Variants in MED12L observed in about 807,000 individuals in gnomAD.
MED12L encodes mediator complex subunit 12L.
Under a neutral mutation model 281.3 loss-of-function variants are expected in MED12L, and 60 were observed. The ratio of observed to expected loss-of-function variants is 0.21; its 90% CI spans 0.17 to 0.26. MED12L has a LOEUF of 0.26. Among genes scored for constraint, MED12L ranks in the 10% least tolerant of loss-of-function variants. The pLI is 1.00. For missense variants in MED12L, 2,146 were observed against 2,680.9 expected (o/e 0.80, Z 4.41); for synonymous variants, 974 against 987.2 (o/e 0.99, Z 0.25).
intron 11 of MED12L, among the ~76,000 whole-genome samples, chr3:151,172,023 C>T (rs921068412): frequency 1.3e-5 from 2 of 152,130 alleles, no homozygotes; most frequent in African/African-American, 4.8e-5. Flanking sequence ...GGGGAAGCAC[C>T]CCTATAAGAT....
chr3:151,413,275 C>G lies in MED12L; in HGVS notation c.6277C>G (p.Gln2093Glu), dbSNP rs1717160634. 6.2e-7 allele frequency: 1 copy of G among 1,614,122 alleles called. No homozygotes were observed. The highest frequency in any genetic ancestry group is 8.5e-7 in the Non-Finnish European group (1 of 1,179,974). The change falls in exon 42 of 45, where the codon CAG (glutamine) becomes GAG (glutamate). Residue 2093 changes from glutamine to glutamate, a missense_variant. Physicochemically the swap from Gln to Glu is conservative, Grantham distance 29. Coordinates refer to ENST00000687756, the MANE Select transcript of MED12L (RefSeq NM_001393769.1). ...GAGACCCAGACAGCCGCAAGTTCGACAGCAGCAGAGACTCCTCCAGGTACG... is the reference window on the plus strand; with the variant it reads ...GAGACCCAGACAGCCGCAAGTTCGAGAGCAGCAGAGACTCCTCCAGGTACG... ...PMRPRQPQVR[Q>E]QQRLLQMQQP... is the part of the protein sequence containing the mutation.
intron 1 of MED12L, 127 bp from the exon 2 acceptor site, chr3:151,086,671 C>T (rs1719256813): frequency 5.7e-6 from 2 of 352,824 alleles, no homozygotes; most frequent in African/African-American, 4.3e-5. Flanking sequence ...CCTCCGCCGC[C>T]GCCACCGGAG....
intron 43 of MED12L, chr3:151,425,239 T>C (rs185717424): frequency 5.9e-6 from 1 of 170,010 alleles, no homozygotes; most frequent in African/African-American, 2.4e-5. Flanking sequence ...AGCTCAAGTT[T>C]TGAGACAAAA....
At chr3:151,383,657 T>A in intron 33 of MED12L, 122 bp from the exon 34 acceptor site, 1 of 625,046 alleles carries the variant, frequency 1.6e-6, no homozygotes, top group Admixed American at 3.3e-5. Flanking sequence ...TAAGGTAATC[T>A]ATAAACTAGA....
At chr3:151,240,354 T>A (rs1733832704) in intron 16 of MED12L, among the ~76,000 whole-genome samples, 1 of 152,222 alleles carries the variant, frequency 6.6e-6, no homozygotes. Context: ...GCTCAAGCAG[T>A]TTCCAGTGGG....
At chr3:151,237,550 C>T (rs1392052734) in intron 16 of MED12L, among the ~76,000 whole-genome samples, 1 of 149,268 alleles carries the variant, frequency 6.7e-6, no homozygotes, top group African/African-American at 2.5e-5. Context: ...GGGGTTTCAC[C>T]ATGTTGGCCA....
chr3:151,341,983 G>A (rs1751907797), intron 16 of MED12L, among the ~76,000 whole-genome samples: 1 of 152,090 alleles, frequency 6.6e-6, no homozygotes, highest in Non-Finnish European at 1.5e-5. Flanking sequence ...ATCATTGTTG[G>A]ACTTTTGGGT....
chr3:151,290,009 AC>A (rs1429339131), intron 16 of MED12L, among the ~76,000 whole-genome samples: 1 of 151,814 alleles, frequency 6.6e-6, no homozygotes, highest in African/African-American at 2.4e-5. Context: ...TTCTGCTTCA[AC>A]CTCCTGAGTA....
At chr3:151,217,609 G>A (rs1448742869) in intron 16 of MED12L, among the ~76,000 whole-genome samples, 1 of 152,178 alleles carries the variant, frequency 6.6e-6, no homozygotes, top group Admixed American at 6.6e-5. Flanking sequence ...TAGGGTGGGA[G>A]GTTTTAGACA....
At chr3:151,398,558 A>G (rs62285909) in intron 39 of MED12L, among the ~76,000 whole-genome samples, 17,798 of 152,258 alleles carry the variant, frequency 0.12, 1,399 homozygotes, top group African/African-American at 0.22. Flanking sequence ...GCTGAATAGC[A>G]TGGATATTGT....
intron 16 of MED12L, among the ~76,000 whole-genome samples, chr3:151,304,273 T>C (rs909390704): frequency 3.3e-5 from 5 of 152,162 alleles, no homozygotes; most frequent in African/African-American, 1.2e-4. Flanking sequence ...TCATTCAATG[T>C]CTGGCATTTA....
At chr3:151,273,053 A>G (rs888247435) in intron 16 of MED12L, among the ~76,000 whole-genome samples, 6 of 152,068 alleles carry the variant, frequency 3.9e-5, no homozygotes, top group African/African-American at 1.4e-4. Context: ...GTGTAATGCA[A>G]ATATTCCAAA....
At chr3:151,333,623 G>A (rs1331582890) in intron 16 of MED12L, among the ~76,000 whole-genome samples, 1 of 152,136 alleles carries the variant, frequency 6.6e-6, no homozygotes, top group Non-Finnish European at 1.5e-5. Flanking sequence ...GCATGTATGT[G>A]TCCATATATT....
Position 151,380,332 on chromosome 3 carries a change from C to T in MED12L, c.4590+108C>T, listed in dbSNP as rs142585577. ...TTAATAAGGGCCAGGTGTGGTGGCT[C>T]ATGCCTGTAATCCCAGCACTTTGGG... On this transcript the variant is annotated intron_variant, in intron 32 of 44. Coordinates refer to ENST00000687756, the MANE Select transcript of MED12L (RefSeq NM_001393769.1). 376 of 724,512 alleles carry T rather than the reference C, an allele frequency of 5.2e-4. 1 individual carries two copies. Among genetic ancestry groups the T allele is most frequent in the African/African-American group, 5.0e-3 (266 of 53,416 alleles). 44.9% of individuals were successfully genotyped at this position (724,512 alleles called of 1,614,324 possible).
At position 151,378,048 on chromosome 3, in the gene MED12L, C is replaced by A; in HGVS notation, c.4353C>A (p.Pro1451=). The change falls in exon 31 of 45, where the codon CCC becomes CCA. Residue 1451 remains proline (P), a synonymous_variant. Transcript: ENST00000687756. ...GCAGGGGTGTATGGTTGGTGGCCCC[C>A]CTCATCGCCAGGTTGCCAACTTCTG... is the stretch of plus-strand genomic sequence containing the variant. ...SERRGVWLVA[P]LIARLPTSVQ... The A allele has an allele frequency of 6.2e-7, 1 of 1,610,336 alleles. No homozygotes were observed. The highest frequency in any genetic ancestry group is 1.3e-5 in the African/African-American group (1 of 74,890).
intron 27 of MED12L, among the ~76,000 whole-genome samples, chr3:151,374,547 CAAAGAAAG>C (rs35163871): frequency 6.0e-5 from 9 of 151,000 alleles, no homozygotes; most frequent in Middle Eastern, 3.4e-3. Context: ...GACTCTGTCT[CAAAGAAAG>C]AAAGAAAGAA....
intron 5 of MED12L, among the ~76,000 whole-genome samples, chr3:151,136,097 C>G (rs1431827666): frequency 6.6e-6 from 1 of 152,154 alleles, no homozygotes; most frequent in Non-Finnish European, 1.5e-5. Context: ...AGATGAGAGA[C>G]TTTTCTTGGT....
chr3:151,375,248 G>A (rs1368752815), intron 27 of MED12L, among the ~76,000 whole-genome samples: 1 of 152,200 alleles, frequency 6.6e-6, no homozygotes, highest in Non-Finnish European at 1.5e-5. Context: ...GGTAATTTTA[G>A]TGGGCAACCA....
At chr3:151,315,634 C>A (rs923064415) in intron 16 of MED12L, among the ~76,000 whole-genome samples, 3 of 152,176 alleles carry the variant, frequency 2.0e-5, no homozygotes, top group African/African-American at 7.2e-5. Context: ...TGATCCCTAA[C>A]TTCATGGAGA....
Sources: allele counts gnomAD v4.1 joint callset (sites outside exome capture counted in the v4.1 genomes callset), GRCh38; gene constraint gnomAD v4.1.1; transcripts MANE v1.5; gene names NCBI Gene and HGNC (gene_info 2026-07-23, HGNC 2026-07-21).